GPC5: variants seen among roughly 807,000 people sequenced by gnomAD.
The protein encoded by GPC5 is glypican 5.
GPC5 carries 47 observed loss-of-function variants against 53.9 expected under a neutral mutation model. The ratio of observed to expected loss-of-function variants is 0.87; its 90% CI spans 0.69 to 1.11. GPC5 has a LOEUF of 1.11. GPC5 is among the 50% of genes most tolerant of loss of function. The probability of loss-of-function intolerance (pLI) is 0.00; values close to 1 mark genes in which losing one functional copy is unlikely to be tolerated. For synonymous variants in GPC5, 286 were observed against 263.3 expected (o/e 1.09, Z -0.84); for missense variants, 748 against 713.1 (o/e 1.05, Z -0.56).
intron 5 of GPC5, among the ~76,000 whole-genome samples, chr13:91,768,491 C>T (rs1402658902): frequency 6.6e-6 from 1 of 151,738 alleles, no homozygotes; most frequent in Non-Finnish European, 1.5e-5. Flanking sequence ...AACACACACA[C>T]AAAAATAATT....
chr13:92,565,610 A>G (rs1271665151), intron 7 of GPC5, among the ~76,000 whole-genome samples: 1 of 152,050 alleles, frequency 6.6e-6, no homozygotes, highest in African/African-American at 2.4e-5. Context: ...TCAAACTAAG[A>G]CCACAAGTTT....
chr13:92,554,717 C>A (rs1225849148), intron 7 of GPC5, among the ~76,000 whole-genome samples: 1 of 150,198 alleles, frequency 6.7e-6, no homozygotes, highest in African/African-American at 2.4e-5. Context: ...ATATATGAAA[C>A]ATTATATAAA....
At chr13:91,427,900 A>T (rs978838804) in intron 1 of GPC5, among the ~76,000 whole-genome samples, 2 of 151,942 alleles carry the variant, frequency 1.3e-5, no homozygotes, top group Non-Finnish European at 2.9e-5. Flanking sequence ...ATGTTTTTTT[A>T]AATGGTAGTT....
At chr13:91,990,263 T>C (rs1594709557) in intron 6 of GPC5, among the ~76,000 whole-genome samples, 2 of 152,184 alleles carry the variant, frequency 1.3e-5, no homozygotes, top group East Asian at 3.8e-4. Flanking sequence ...GAGCAAAATG[T>C]CAGGAGAGAC....
At chr13:92,421,312 CTA>C (rs1876548733) in intron 7 of GPC5, among the ~76,000 whole-genome samples, 1 of 152,140 alleles carries the variant, frequency 6.6e-6, no homozygotes, top group African/African-American at 2.4e-5. Flanking sequence ...GACTGTGACT[CTA>C]TGTCACAAAT....
chr13:91,435,557 G>A (rs1363652149), intron 1 of GPC5, among the ~76,000 whole-genome samples: 2 of 152,176 alleles, frequency 1.3e-5, no homozygotes, highest in Non-Finnish European at 2.9e-5. Flanking sequence ...TGGTGGATAA[G>A]CTTTTTGATA....
chr13:91,908,036 T>C lies in GPC5; in HGVS notation c.1380T>C (p.Asp460=). The C allele has an allele frequency of 6.3e-7, 1 of 1,588,222 alleles. No homozygotes were observed. The highest frequency in any genetic ancestry group is 8.5e-7 in the Non-Finnish European group (1 of 1,174,532). Residue 460 remains aspartate, a synonymous_variant, in exon 6 of 8, where the codon GAT becomes GAC. Coordinates refer to ENST00000377067, the MANE Select transcript of GPC5 (RefSeq NM_004466.6). ...ATCCTGTGATAAATCAGATTATTGA[T>C]AAACTGAAGCATGTTGTTCAGGTAA... ...GIDPVINQII[D]KLKHVVQLLQ... is the part of the protein sequence containing the mutation.
intron 6 of GPC5, among the ~76,000 whole-genome samples, chr13:92,058,481 T>C (rs1450779672): frequency 6.6e-6 from 1 of 152,230 alleles, no homozygotes; most frequent in Non-Finnish European, 1.5e-5. Flanking sequence ...GTACATTTTT[T>C]AACCAACATT....
intron 7 of GPC5, among the ~76,000 whole-genome samples, chr13:92,613,537 A>AT (rs1426866770): frequency 8.0e-6 from 1 of 124,710 alleles, no homozygotes; most frequent in Admixed American, 9.9e-5. Flanking sequence ...TTATATATAA[A>AT]ATATAATATA....
chr13:92,275,486 A>T (rs1400559252), intron 7 of GPC5, among the ~76,000 whole-genome samples: 2 of 152,186 alleles, frequency 1.3e-5, no homozygotes, highest in Admixed American at 1.3e-4. Flanking sequence ...AAAAATAAAC[A>T]AGATAATATC....
chr13:92,692,481 C>T (rs1343948028), intron 7 of GPC5, among the ~76,000 whole-genome samples: 2 of 142,020 alleles, frequency 1.4e-5, no homozygotes, highest in African/African-American at 2.7e-5. Context: ...AACTAATTTA[C>T]ATTCCCATCA....
chr13:92,770,832 T>G (rs1875585340), intron 7 of GPC5, among the ~76,000 whole-genome samples: 1 of 152,204 alleles, frequency 6.6e-6, no homozygotes. Context: ...ACTCCATTAC[T>G]GCAGGCTATG....
intron 7 of GPC5, among the ~76,000 whole-genome samples, chr13:92,754,053 G>C (rs1452229254): frequency 1.3e-5 from 2 of 152,136 alleles, no homozygotes; most frequent in African/African-American, 4.8e-5. Context: ...TGAAATGAAG[G>C]AAAAAATGTT....
chr13:92,620,058 G>A (rs1167385930), intron 7 of GPC5, among the ~76,000 whole-genome samples: 3 of 151,890 alleles, frequency 2.0e-5, no homozygotes, highest in East Asian at 1.9e-4. Flanking sequence ...TATTATCCTC[G>A]GGAGCATAAT....
intron 2 of GPC5, among the ~76,000 whole-genome samples, chr13:91,503,616 TTAA>T (rs1330826653): frequency 2.0e-5 from 3 of 151,324 alleles, no homozygotes; most frequent in African/African-American, 7.3e-5. Flanking sequence ...CCTGTCTCTA[TTAA>T]TAATATAAAA....
intron 7 of GPC5, among the ~76,000 whole-genome samples, chr13:92,510,297 A>T (rs2138950993): frequency 6.6e-6 from 1 of 152,272 alleles, no homozygotes; most frequent in Non-Finnish European, 1.5e-5. Context: ...AAATTCAAAT[A>T]AATTAATTTG....
chr13:92,450,963 G>A (rs1255169981), intron 7 of GPC5, among the ~76,000 whole-genome samples: 1 of 152,160 alleles, frequency 6.6e-6, no homozygotes, highest in Non-Finnish European at 1.5e-5. Flanking sequence ...CTGGCACAGA[G>A]GAAGTCCTCA....
chr13:92,785,516 A>G (rs1445662230), intron 7 of GPC5, among the ~76,000 whole-genome samples: 1 of 152,226 alleles, frequency 6.6e-6, no homozygotes, highest in Admixed American at 6.5e-5. Flanking sequence ...GAGGCCATGC[A>G]GCATCAATGC....
chr13:91,857,994 T>C (rs554501854), intron 5 of GPC5, among the ~76,000 whole-genome samples: 83 of 151,792 alleles, frequency 5.5e-4, no homozygotes, highest in African/African-American at 1.7e-3. Flanking sequence ...ATATATCTTA[T>C]GTGTTACTAG....
Sources: allele counts gnomAD v4.1 joint callset (sites outside exome capture counted in the v4.1 genomes callset), GRCh38; gene constraint gnomAD v4.1.1; transcripts MANE v1.5; gene names NCBI Gene and HGNC (gene_info 2026-07-23, HGNC 2026-07-21).